The following FRMD4B variants were observed in gnomAD, a reference collection of about 807,000 sequenced individuals.
FRMD4B encodes the protein FERM domain-containing protein 4B.
A neutral mutation model predicts 141.5 loss-of-function variants in FRMD4B; 74 were observed. The ratio of observed to expected loss-of-function variants is 0.52; its 90% confidence interval spans 0.43 to 0.63. The LOEUF (loss-of-function observed/expected upper bound fraction) is 0.63, where lower values mean the gene tolerates loss of function less well. Among genes scored for constraint, FRMD4B ranks in the 30% least tolerant of loss-of-function variants. The probability of loss-of-function intolerance (pLI) is 0.00; values close to 1 mark genes in which losing one functional copy is unlikely to be tolerated. For synonymous variants in FRMD4B, 506 were observed against 467.9 expected (o/e 1.08, Z -1.05); for missense variants, 1,366 against 1,253.4 (o/e 1.09, Z -1.36).
intron 3 of FRMD4B, among the ~76,000 whole-genome samples, chr3:69,306,104 C>G (rs868427083): frequency 2.0e-5 from 3 of 152,042 alleles, no homozygotes; most frequent in African/African-American, 7.2e-5. Context: ...TTTAAAAAAT[C>G]CACCCACAAT....
At chr3:69,528,315 CTCTT>C (rs141240275) in intron 1 of FRMD4B, among the ~76,000 whole-genome samples, 2,576 of 148,508 alleles carry the variant, frequency 0.017, 68 homozygotes, top group East Asian at 0.12. Flanking sequence ...TCCTTTCTCT[CTCTT>C]TCTTTCTCGC....
rs373037063 is a variant in FRMD4B, at chr3:69,323,335, G to A, written c.163-9818C>T. On this transcript the variant is annotated intron_variant, in intron 1 of 22. Coordinates refer to ENST00000398540, the MANE Select transcript of FRMD4B (RefSeq NM_015123.3). ...TAATCCCAGCACTTTGGGAGGCTGA[G>A]GTGGGCAGATCACCTGAGGTCAGGA... 2.6e-5 allele frequency among the ~76,000 whole-genome samples: 4 copies of A among 152,072 alleles called. No homozygotes were observed. In the East Asian group the frequency reaches 7.8e-4, roughly 30 times the overall value.
chr3:69,428,105 T>A (rs1361645899), intron 2 of FRMD4B, among the ~76,000 whole-genome samples: 1 of 151,992 alleles, frequency 6.6e-6, no homozygotes, highest in Non-Finnish European at 1.5e-5. Context: ...AGTAGAAATC[T>A]TAAAAAGGCC....
intron 1 of FRMD4B, among the ~76,000 whole-genome samples, chr3:69,362,273 A>AT (rs1703491785): frequency 6.6e-6 from 1 of 152,198 alleles, no homozygotes; most frequent in Non-Finnish European, 1.5e-5. Context: ...GAGAGGTTAA[A>AT]TAACTTACAT....
chr3:69,189,874 CA>C, intron 18 of FRMD4B, 21 bp downstream of exon 18: 20 of 1,493,130 alleles, frequency 1.3e-5, no homozygotes, highest in Admixed American at 3.4e-5. Flanking sequence ...ATTTTTAAAC[CA>C]AAAAAGGAAG....
At chr3:69,206,570 C>T (rs900977611) in intron 11 of FRMD4B, among the ~76,000 whole-genome samples, 4 of 152,170 alleles carry the variant, frequency 2.6e-5, no homozygotes, top group African/African-American at 4.8e-5. Flanking sequence ...TTAAGACTCT[C>T]GTTAGCGTGC....
At position 69,456,158 on chromosome 3, in the gene FRMD4B, C is replaced by CTCCTCTCCCTCATATGAT. The variant is rs372912223; in HGVS notation, c.-128-23398_-128-23397insATCATATGAGGGAGAGGA. 3.5e-3 allele frequency among the ~76,000 whole-genome samples: 526 copies of CTCCTCTCCCTCATATGAT among 152,284 alleles called. 5 individuals carry two copies. The highest frequency in any genetic ancestry group is 0.012 in the African/African-American group (492 of 41,558). ...CAGAGACAAAACATCTGAAACAGGG[C>CTCCTCTCCCTCATATGAT]TCCCTACCTCTTCCTTTCTGCTTCA... On this transcript the variant is annotated intron_variant, in intron 1 of 5. Transcript: ENST00000459638.
chr3:69,538,001 A>T (rs966270559), intron 1 of FRMD4B, among the ~76,000 whole-genome samples: 4 of 152,236 alleles, frequency 2.6e-5, no homozygotes, highest in Non-Finnish European at 5.9e-5. Flanking sequence ...CACTTAGCAC[A>T]GATTTCCTCC....
At chr3:69,457,624 A>G (rs1705640501) in intron 1 of FRMD4B, among the ~76,000 whole-genome samples, 1 of 152,040 alleles carries the variant, frequency 6.6e-6, no homozygotes, top group Admixed American at 6.6e-5. Context: ...TAAATTATTT[A>G]TGGTGTCCTC....
intron 11 of FRMD4B, among the ~76,000 whole-genome samples, chr3:69,204,039 T>C (rs2092997752): frequency 6.6e-6 from 1 of 152,158 alleles, no homozygotes; most frequent in African/African-American, 2.4e-5. Flanking sequence ...ATACACCCTC[T>C]AGGTAGGAAA....
At chr3:69,222,161 A>G (rs149764581) in intron 8 of FRMD4B, among the ~76,000 whole-genome samples, 4 of 152,144 alleles carry the variant, frequency 2.6e-5, no homozygotes, top group South Asian at 2.1e-4. Flanking sequence ...TATAATATAT[A>G]TATTACTACC....
At chr3:69,340,370 G>A (rs147074119) in intron 1 of FRMD4B, among the ~76,000 whole-genome samples, 3 of 152,198 alleles carry the variant, frequency 2.0e-5, no homozygotes, top group African/African-American at 7.2e-5. Flanking sequence ...TTGTGTCCAT[G>A]TGTTCTCATT....
chr3:69,247,237 C>T (rs573986558), intron 7 of FRMD4B, among the ~76,000 whole-genome samples: 8 of 152,122 alleles, frequency 5.3e-5, no homozygotes, highest in African/African-American at 1.7e-4. Context: ...ACCATTTTAC[C>T]GATGAGGAAA....
chr3:69,216,226 A>G (rs1042410241), intron 11 of FRMD4B, 37 bp downstream of exon 11: 2 of 1,048,306 alleles, frequency 1.9e-6, no homozygotes, highest in African/African-American at 3.1e-5. Flanking sequence ...ACATGTTTTG[A>G]ACAGTTCAAA....
intron 1 of FRMD4B, among the ~76,000 whole-genome samples, chr3:69,493,744 G>C (rs1706340973): frequency 6.6e-6 from 1 of 152,114 alleles, no homozygotes; most frequent in African/African-American, 2.4e-5. Context: ...CAGGGGCTGT[G>C]TTTACCTTGC....
At chr3:69,322,991 G>A (rs572045123) in intron 1 of FRMD4B, 518 of 960,176 alleles carry the variant, frequency 5.4e-4, no homozygotes, top group Non-Finnish European at 6.1e-4. Context: ...TCCATCAGTC[G>A]TACCAAAGTA....
chr3:69,208,813 T>A (rs896185315), intron 11 of FRMD4B, among the ~76,000 whole-genome samples: 1 of 152,174 alleles, frequency 6.6e-6, no homozygotes, highest in Non-Finnish European at 1.5e-5. Context: ...ACTACTGATC[T>A]CCCCTAGGAT....
intron 1 of FRMD4B, among the ~76,000 whole-genome samples, chr3:69,519,755 A>G (rs1700821249): frequency 6.6e-6 from 1 of 151,870 alleles, no homozygotes; most frequent in East Asian, 1.9e-4. Flanking sequence ...AGCAGTGTAC[A>G]CTGAAACCAA....
chr3:69,212,965 T>C (rs1281221457), intron 11 of FRMD4B, among the ~76,000 whole-genome samples: 1 of 151,660 alleles, frequency 6.6e-6, no homozygotes, highest in Non-Finnish European at 1.5e-5. Flanking sequence ...GGTAAGGTAT[T>C]TGTTTGACTG....
Sources: allele counts gnomAD v4.1 joint callset (sites outside exome capture counted in the v4.1 genomes callset), GRCh38; gene constraint gnomAD v4.1.1; transcripts MANE v1.5; gene names NCBI Gene and HGNC (gene_info 2026-07-23, HGNC 2026-07-21).